Variants in PTPRD observed in about 807,000 individuals in gnomAD.
PTPRD encodes protein tyrosine phosphatase receptor type D.
In PTPRD, 34 loss-of-function variants were observed where a neutral mutation model predicts 214.5. That is an observed-to-expected ratio of 0.16 (90% CI 0.12 to 0.21). PTPRD has a LOEUF of 0.21. PTPRD is among the 10% of genes least tolerant of loss of function. The pLI is 1.00. For synonymous variants in PTPRD, 1,128 were observed against 845.7 expected (o/e 1.33, Z -5.79); for missense variants, 2,545 against 2,398.7 (o/e 1.06, Z -1.27).
intron 7 of PTPRD, among the ~76,000 whole-genome samples, chr9:9,674,056 C>T (rs947078948): frequency 6.6e-6 from 1 of 151,618 alleles, no homozygotes; most frequent in Admixed American, 6.6e-5. Flanking sequence ...GAAAATAATA[C>T]AAGAAAGATA....
intron 10 of PTPRD, among the ~76,000 whole-genome samples, chr9:9,087,895 T>A (rs991018069): frequency 1.9e-4 from 26 of 139,218 alleles, no homozygotes; most frequent in African/African-American, 7.0e-4. Flanking sequence ...TTTTTTTTTT[T>A]TTTTTTTTTG....
chr9:10,050,610 C>G (rs1196342355), intron 3 of PTPRD, among the ~76,000 whole-genome samples: 1 of 75,892 alleles, frequency 1.3e-5, no homozygotes, highest in Non-Finnish European at 2.8e-5. Flanking sequence ...AATTTAAAAA[C>G]TAACTCTAAC....
At chr9:9,539,353 A>G (rs189320477) in intron 8 of PTPRD, among the ~76,000 whole-genome samples, 2 of 151,946 alleles carry the variant, frequency 1.3e-5, no homozygotes, top group Non-Finnish European at 2.9e-5. Flanking sequence ...GGAGTTGAAA[A>G]AAGGAAAGAC....
At chr9:9,250,727 A>G (rs1165059134) in intron 9 of PTPRD, among the ~76,000 whole-genome samples, 6 of 152,088 alleles carry the variant, frequency 3.9e-5, no homozygotes, top group African/African-American at 1.2e-4. Context: ...ATGGCAACCT[A>G]TGAAACAGCA....
chr9:8,821,284 T>A (rs565382431), intron 11 of PTPRD, among the ~76,000 whole-genome samples: 2 of 152,182 alleles, frequency 1.3e-5, no homozygotes, highest in African/African-American at 4.8e-5. Flanking sequence ...CCTCTCTCTC[T>A]CTCTGTCTCT....
chr9:8,770,340 T>C (rs2095108317), intron 11 of PTPRD, among the ~76,000 whole-genome samples: 1 of 145,188 alleles, frequency 6.9e-6, no homozygotes, highest in Non-Finnish European at 1.5e-5. Context: ...TATGATAGTG[T>C]AATAAAAAAA....
chr9:9,014,896 C>A (rs1036049468), intron 11 of PTPRD, among the ~76,000 whole-genome samples: 9 of 151,962 alleles, frequency 5.9e-5, no homozygotes, highest in Non-Finnish European at 1.3e-4. Flanking sequence ...ATATTTATTT[C>A]ATTGAAAAGG....
intron 4 of PTPRD, among the ~76,000 whole-genome samples, chr9:10,013,966 G>A (rs1055099192): frequency 6.6e-6 from 1 of 151,878 alleles, no homozygotes; most frequent in African/African-American, 2.4e-5. Flanking sequence ...GGACAAATCT[G>A]TAATTCTAAA....
intron 8 of PTPRD, among the ~76,000 whole-genome samples, chr9:9,419,437 C>T (rs1321919924): frequency 6.6e-6 from 1 of 151,478 alleles, no homozygotes; most frequent in Non-Finnish European, 1.5e-5. Flanking sequence ...ATTTTAGTTA[C>T]TTGATAAGTG....
intron 7 of PTPRD, among the ~76,000 whole-genome samples, chr9:9,651,957 C>T (rs1318234239): frequency 6.6e-6 from 1 of 150,824 alleles, no homozygotes; most frequent in Non-Finnish European, 1.5e-5. Flanking sequence ...ACCTCAGCCT[C>T]CCAAGTAGCT....
chr9:8,909,094 T>C (rs1220401730), intron 11 of PTPRD, among the ~76,000 whole-genome samples: 2 of 151,820 alleles, frequency 1.3e-5, no homozygotes, highest in African/African-American at 2.4e-5. Flanking sequence ...AAAGAAAAAC[T>C]TGAATAGACC....
chr9:10,273,252 G>C (rs1221731213), intron 3 of PTPRD, among the ~76,000 whole-genome samples: 2 of 151,984 alleles, frequency 1.3e-5, no homozygotes, highest in Non-Finnish European at 2.9e-5. Flanking sequence ...TCCCTCTTTG[G>C]CTCCTCAGTT....
chr9:9,573,276 C>A (rs2087129529), intron 8 of PTPRD, among the ~76,000 whole-genome samples: 2 of 151,112 alleles, frequency 1.3e-5, no homozygotes, highest in Admixed American at 6.6e-5. Context: ...GAAAAAGGAG[C>A]CTCCTTTTTC....
chr9:9,842,466 T>C (rs1248481665), intron 5 of PTPRD, among the ~76,000 whole-genome samples: 1 of 151,676 alleles, frequency 6.6e-6, no homozygotes, highest in Non-Finnish European at 1.5e-5. Context: ...TTAATTCAAG[T>C]GGGCTTTAAG....
rs149214993 is a variant in PTPRD, at chr9:10,005,990, G to C, written c.-472+27728C>G. Among the ~76,000 whole-genome samples the C allele has an allele frequency of 1.5e-3, 223 of 152,016 alleles. 2 individuals carry two copies. The highest frequency in any genetic ancestry group is 5.2e-3 in the African/African-American group (217 of 41,510). Reference sequence around the variant, plus strand: ...AATTTCAAAAATGCTTATGACATAAGAACAAGGCAGGGCATGCAATTATAA... The same window carrying C: ...AATTTCAAAAATGCTTATGACATAACAACAAGGCAGGGCATGCAATTATAA... On this transcript the variant is annotated intron_variant, in intron 4 of 45. Coordinates refer to ENST00000381196, the MANE Select transcript of PTPRD (RefSeq NM_002839.4).
At chr9:8,994,521 T>C (rs1056922922) in intron 11 of PTPRD, among the ~76,000 whole-genome samples, 5 of 151,996 alleles carry the variant, frequency 3.3e-5, no homozygotes, top group African/African-American at 1.2e-4. Context: ...GAGCAATAAA[T>C]TTGAGAATAT....
Position 8,316,625 on chromosome 9 carries a change from A to AATT in PTPRD, c.*1246_*1248dup, listed in dbSNP as rs1276285139. 5 of 230,694 alleles carry AATT rather than the reference A, an allele frequency of 2.2e-5. No individual in the cohort carries two copies. Among genetic ancestry groups the AATT allele is most frequent in the Non-Finnish European group, 3.4e-5 (4 of 116,290 alleles). The allele number at this position is 230,694 out of a possible 1,614,324, so 14.3% of individuals were successfully genotyped here. The stretch of plus-strand genomic sequence containing the variant: ...GCACACCTCTTAGCTATTTAATAAT[A>AATT]ATTTTTATTGCACTAGAGTGTTAGA... On this transcript the variant is annotated 3_prime_UTR_variant, in exon 46 of 46. Coordinates refer to ENST00000381196, the MANE Select transcript of PTPRD (RefSeq NM_002839.4).
chr9:9,739,137 G>A (rs921448755), intron 6 of PTPRD, among the ~76,000 whole-genome samples: 3 of 152,118 alleles, frequency 2.0e-5, no homozygotes, highest in Non-Finnish European at 4.4e-5. Flanking sequence ...AAAAAGGCAT[G>A]CATGTGTGTA....
Position 10,229,463 on chromosome 9 carries a change from C to A in PTPRD, c.-545+111500G>T, listed in dbSNP as rs148138936. ...ACTTGGAACCAACCCAAATGTCCAA[C>A]AGTGATAGACTGGATTAAGAAAATG... On this transcript the variant is annotated intron_variant, in intron 3 of 45. Coordinates refer to ENST00000381196, the MANE Select transcript of PTPRD (RefSeq NM_002839.4). Among the ~76,000 whole-genome samples the A allele has an allele frequency of 7.5e-3, 1,139 of 152,112 alleles. 73 individuals carry two copies. The East Asian group carries it at 0.13, about 18-fold the overall frequency.
Sources: allele counts gnomAD v4.1 joint callset (sites outside exome capture counted in the v4.1 genomes callset), GRCh38; gene constraint gnomAD v4.1.1; transcripts MANE v1.5; gene names NCBI Gene and HGNC (gene_info 2026-07-23, HGNC 2026-07-21).